Variants in KIF9 observed in about 807,000 individuals in gnomAD.
KIF9 encodes kinesin-like protein KIF9.
In KIF9, 68 loss-of-function variants were observed where a neutral mutation model predicts 94.8. That is an observed-to-expected ratio of 0.72 (90% CI 0.59 to 0.88). The LOEUF is 0.88. KIF9 is among the 40% of genes least tolerant of loss of function. KIF9 has a pLI of 0.00. For synonymous variants in KIF9, 343 were observed against 362.1 expected (o/e 0.95, Z 0.60); for missense variants, 882 against 982.5 (o/e 0.90, Z 1.37).
intron 10 of KIF9, among the ~76,000 whole-genome samples, chr3:47,251,409 T>C (rs1700262052): frequency 6.6e-6 from 1 of 151,886 alleles, no homozygotes; most frequent in Admixed American, 6.6e-5. Context: ...CTACTAAAAA[T>C]AAAAAATAGC....
At chr3:47,279,669 C>T (rs1167693706) in intron 1 of KIF9, among the ~76,000 whole-genome samples, 1 of 150,558 alleles carries the variant, frequency 6.6e-6, no homozygotes, top group South Asian at 2.1e-4. Flanking sequence ...CAGGTTGGAG[C>T]GCAGTGGCGC....
In KIF9 at chr3:47,270,621, T is replaced by C. The variant is rs554791476; in HGVS notation, c.591+616A>G. Among the ~76,000 whole-genome samples the C allele has an allele frequency of 3.3e-5, 5 of 152,124 alleles. No individual in the cohort carries two copies. In the South Asian group the frequency reaches 8.3e-4, roughly 25 times the overall value. On this transcript the variant is annotated intron_variant, in intron 5 of 20. Transcript: ENST00000684063. ...AGGGACATAAGAATCATTTCAACTA[T>C]GTAAAGAAAAAGCTGCACAGGAAAA...
intron 9 of KIF9, among the ~76,000 whole-genome samples, chr3:47,257,767 G>C (rs1297383289): frequency 6.6e-6 from 1 of 152,184 alleles, no homozygotes; most frequent in African/African-American, 2.4e-5. Context: ...GTGACAGAGG[G>C]CACATCCAGC....
At chr3:47,247,332 C>T in intron 12 of KIF9, 41 bp downstream of exon 12, 1 of 1,408,014 alleles carries the variant, frequency 7.1e-7, no homozygotes, top group Non-Finnish European at 1.0e-6. Flanking sequence ...ACTGGGAGGC[C>T]CAGGCTGGCT....
chr3:47,280,987 A>G, intron 1 of KIF9: 1 of 703,058 alleles, frequency 1.4e-6, no homozygotes, highest in Non-Finnish European at 2.6e-6. Context: ...ACGTCGCTTC[A>G]TTTGAGTGGG....
chr3:47,253,951 T>C (rs1700420657), intron 10 of KIF9, among the ~76,000 whole-genome samples: 1 of 152,210 alleles, frequency 6.6e-6, no homozygotes, highest in African/African-American at 2.4e-5. Flanking sequence ...CTCTCACACA[T>C]GTGAGAATGT....
At position 47,265,789 on chromosome 3, in the gene KIF9, T is replaced by C. The variant is rs1464235531; in HGVS notation, c.857A>G (p.Lys286Arg). The C allele has an allele frequency of 1.9e-6, 3 of 1,614,104 alleles. No individual in the cohort carries two copies. Among genetic ancestry groups the C allele is most frequent in the African/African-American group, 1.3e-5 (1 of 74,934 alleles). The change falls in exon 8 of 21, where the codon AAG becomes AGG. Residue 286 changes from lysine (K) to arginine (R), a missense_variant. Coordinates refer to ENST00000684063, the MANE Select transcript of KIF9 (RefSeq NM_182902.4). ...CTGCCGAAAGGGGATGTGGTCCCGC[T>C]TCTGGTCCCCAAGGGCAATGATGGC... The part of the protein sequence containing the change: ...EQAIIALGDQ[K>R]RDHIPFRQCK...
chr3:47,248,442 A>G (rs568619008), intron 10 of KIF9, among the ~76,000 whole-genome samples: 1 of 151,910 alleles, frequency 6.6e-6, no homozygotes, highest in South Asian at 2.1e-4. Flanking sequence ...AGACTCCAGA[A>G]TGCTTTCTTT....
At chr3:47,280,855 A>T (rs1242647253) in intron 1 of KIF9, 1 of 700,370 alleles carries the variant, frequency 1.4e-6, no homozygotes, top group Non-Finnish European at 2.6e-6. Context: ...ATCCACCTGC[A>T]ATAAAGTCTT....
chr3:47,235,659 T>C (rs779910422), intron 19 of KIF9, 42 bp from the exon 20 acceptor site: 1 of 1,492,058 alleles, frequency 6.7e-7, no homozygotes, highest in South Asian at 1.1e-5. Flanking sequence ...TGTCAGGATA[T>C]ACCCTAGCAG....
At chr3:47,244,685 C>T in intron 15 of KIF9, 106 bp downstream of exon 15, 1 of 1,413,516 alleles carries the variant, frequency 7.1e-7, no homozygotes, top group Non-Finnish European at 9.8e-7. Flanking sequence ...ATTGTGCCAA[C>T]CCAGTAGCTG....
At chr3:47,248,369 A>C (rs1246665781) in intron 10 of KIF9, among the ~76,000 whole-genome samples, 1 of 151,240 alleles carries the variant, frequency 6.6e-6, no homozygotes, top group South Asian at 2.1e-4. Flanking sequence ...TCAAACCCCA[A>C]CTCCCAGGGG....
At chr3:47,249,784 G>T (rs1489248839) in intron 10 of KIF9, among the ~76,000 whole-genome samples, 1 of 152,160 alleles carries the variant, frequency 6.6e-6, no homozygotes, top group African/African-American at 2.4e-5. Context: ...CCAGCCAGGT[G>T]CGGTGGCTCA....
intron 10 of KIF9, among the ~76,000 whole-genome samples, chr3:47,249,525 C>A (rs1022720015): frequency 6.6e-6 from 1 of 152,182 alleles, no homozygotes; most frequent in South Asian, 2.1e-4. Flanking sequence ...TCATAGATTT[C>A]TGTAGAATAA....
chr3:47,272,038 T>C (rs1701682456), intron 4 of KIF9, among the ~76,000 whole-genome samples: 1 of 152,156 alleles, frequency 6.6e-6, no homozygotes, highest in Non-Finnish European at 1.5e-5. Context: ...GAGAATCTCT[T>C]GAACCCAGGA....
At chr3:47,254,309 T>C (rs1187678519) in intron 10 of KIF9, among the ~76,000 whole-genome samples, 3 of 152,108 alleles carry the variant, frequency 2.0e-5, no homozygotes, top group Non-Finnish European at 4.4e-5. Flanking sequence ...AATACAAAAA[T>C]TAGCTGGGTG....
chr3:47,238,216 A>AGATT (rs909921320), intron 17 of KIF9, among the ~76,000 whole-genome samples: 2 of 151,930 alleles, frequency 1.3e-5, no homozygotes, highest in Non-Finnish European at 2.9e-5. Context: ...GGTATCTAAG[A>AGATT]GATTGATTGA....
At chr3:47,257,067 T>C (rs1351930709) in intron 10 of KIF9, among the ~76,000 whole-genome samples, 18 of 151,996 alleles carry the variant, frequency 1.2e-4, no homozygotes. Flanking sequence ...GTTTATCTGC[T>C]CACCTTCCCT....
intron 1 of KIF9, chr3:47,281,182 ATCT>A: frequency 1.6e-6 from 1 of 622,576 alleles, no homozygotes; most frequent in Non-Finnish European, 2.9e-6. Context: ...ATGTGGGTCT[ATCT>A]TCAGTCACTA....
Sources: gnomAD v4.1 joint callset for allele counts (sites outside exome capture counted in the v4.1 genomes callset) on GRCh38, gnomAD v4.1.1 for gene constraint, MANE v1.5 for transcripts, NCBI Gene and HGNC (gene_info 2026-07-23, HGNC 2026-07-21) for gene names.